The following TMEM236 variants were observed in gnomAD, a reference collection of about 807,000 sequenced individuals.
TMEM236 encodes the protein family with sequence similarity 23, member A.
A neutral mutation model predicts 14.7 loss-of-function variants in TMEM236; 11 were observed. The observed-to-expected ratio is 0.75, with a 90% CI of 0.47 to 1.24. The LOEUF (loss-of-function observed/expected upper bound fraction) is 1.24, where lower values mean the gene tolerates loss of function less well. Ranked by LOEUF, TMEM236 falls within the 50% of genes most tolerant of loss-of-function variation. TMEM236 has a pLI of 0.00. For missense variants in TMEM236, 464 were observed against 427.3 expected, an observed-to-expected ratio of 1.09 and a Z score of -0.76; for synonymous variants, 182 against 168.6, an observed-to-expected ratio of 1.08 and a Z score of -0.62.
chr10:17,776,906 A>G (rs1837666662), intron 3 of TMEM236, among the ~76,000 whole-genome samples: 1 of 152,206 alleles, frequency 6.6e-6, no homozygotes, highest in Admixed American at 6.5e-5. Flanking sequence ...TTAGTCGTAA[A>G]TTACTCCAGC....
intron 1 of TMEM236, among the ~76,000 whole-genome samples, chr10:17,766,890 G>C (rs1554834385): frequency 6.6e-6 from 1 of 151,822 alleles, no homozygotes; most frequent in Non-Finnish European, 1.5e-5. Context: ...TTCTTGGCTT[G>C]TAAATGCATC....
intron 3 of TMEM236, among the ~76,000 whole-genome samples, chr10:17,786,188 A>G (rs1397213382): frequency 6.6e-6 from 1 of 152,348 alleles, no homozygotes; most frequent in Admixed American, 6.5e-5. Flanking sequence ...ACTGATAGGA[A>G]TAAGGGAATA....
chr10:17,778,088 A>G (rs1837688478), intron 3 of TMEM236, among the ~76,000 whole-genome samples: 1 of 152,084 alleles, frequency 6.6e-6, no homozygotes, highest in African/African-American at 2.4e-5. Flanking sequence ...AACTTCAATA[A>G]TGACACTGAG....
chr10:17,775,942 A>G, intron 2 of TMEM236, 87 bp from the exon 3 acceptor site: 1 of 1,503,438 alleles, frequency 6.7e-7, no homozygotes, highest in Non-Finnish European at 9.2e-7. Context: ...ATTATAATTA[A>G]TTTAGTGCTG....
At chr10:17,757,655 G>T (rs1373955982) in intron 1 of TMEM236, among the ~76,000 whole-genome samples, 2 of 150,114 alleles carry the variant, frequency 1.3e-5, no homozygotes, top group East Asian at 1.9e-4. Flanking sequence ...GCCTAGGTCT[G>T]TCTGATTCCA....
chr10:17,762,816 G>A (rs1925555), intron 1 of TMEM236, among the ~76,000 whole-genome samples: 39,679 of 150,740 alleles, frequency 0.26, 5,586 homozygotes, highest in African/African-American at 0.37. Context: ...TATGACACCT[G>A]ACTAATTTTT....
intron 3 of TMEM236, among the ~76,000 whole-genome samples, chr10:17,777,615 G>A (rs1837679969): frequency 6.6e-6 from 1 of 151,944 alleles, no homozygotes. Context: ...GGTTTCTGAT[G>A]ACTCTGTATT....
chr10:17,797,667 C>T lies in TMEM236; in HGVS notation c.*1163C>T, dbSNP rs963037324. The T allele has an allele frequency of 2.0e-5, 3 of 152,090 alleles. No homozygotes were observed. The highest frequency in any genetic ancestry group is 7.2e-5 in the African/African-American group (3 of 41,422). The allele number at this position is 152,090 out of a possible 1,614,324, so 9.4% of individuals were successfully genotyped here. ...AAAGGTGGAATTATATTCTTTATTC[C>T]ATTGTGGCAAGGGACTTTTATTCAA... On this transcript the variant is annotated 3_prime_UTR_variant, in exon 4 of 4. Transcript: ENST00000377495.
intron 1 of TMEM236, among the ~76,000 whole-genome samples, chr10:17,766,614 C>T (rs2131745631): frequency 6.6e-6 from 1 of 152,328 alleles, no homozygotes; most frequent in Admixed American, 6.5e-5. Context: ...ACTCATTCCT[C>T]AACTCCAAAG....
At position 17,771,350 on chromosome 10, in the gene TMEM236, C is replaced by G; in HGVS notation, c.299C>G (p.Pro100Arg). The change falls in exon 2 of 4, where the codon CCC (proline) becomes CGC (arginine). Residue 100 changes from proline (P) to arginine (R), a missense_variant. Pro to Arg is a moderately radical substitution (Grantham distance 103, BLOSUM62 -2). Coordinates refer to ENST00000377495, the MANE Select transcript of TMEM236 (RefSeq NM_001098844.3). ...ATGTGTGTGGTCCTCACCACACTGC[C>G]CTGCCTCACCTTTTCCATAGCAGTG... ...LMMCVVLTTLPCLTFSIAVTE... is the reference protein window; with the variant it reads ...LMMCVVLTTLRCLTFSIAVTE... The G allele has an allele frequency of 6.2e-7, 1 of 1,613,898 alleles. No homozygotes were observed. The highest frequency in any genetic ancestry group is 8.5e-7 in the Non-Finnish European group (1 of 1,179,838).
chr10:17,757,336 G>C (rs1837298177), intron 1 of TMEM236, among the ~76,000 whole-genome samples: 1 of 152,154 alleles, frequency 6.6e-6, no homozygotes, highest in Non-Finnish European at 1.5e-5. Context: ...GGTAGCTCCT[G>C]CCTGTAATCC....
At chr10:17,773,019 G>A (rs890218416) in intron 2 of TMEM236, among the ~76,000 whole-genome samples, 3 of 152,138 alleles carry the variant, frequency 2.0e-5, no homozygotes, top group Non-Finnish European at 4.4e-5. Flanking sequence ...TTCGTTTTCA[G>A]CTGTAGAGTA....
At chr10:17,769,465 A>G (rs1837531227) in intron 1 of TMEM236, among the ~76,000 whole-genome samples, 1 of 152,226 alleles carries the variant, frequency 6.6e-6, no homozygotes, top group African/African-American at 2.4e-5. Flanking sequence ...TATTTGAAGC[A>G]ATGGGAACGG....
In TMEM236 at chr10:17,784,189, G is replaced by A. The variant is rs943295765; in HGVS notation, c.472+8019G>A. On this transcript the variant is annotated intron_variant, in intron 3 of 3. Transcript: ENST00000377495. ...AAAATTATTTACCAATTATTTTCCC[G>A]AAGCAGTTTACATTTAAATGTTTAA... is the stretch of plus-strand genomic sequence containing the variant. Among the ~76,000 whole-genome samples, 434 of 152,066 alleles carry A rather than the reference G, an allele frequency of 2.9e-3. 4 individuals are homozygous for A. Among genetic ancestry groups the A allele is most frequent in the South Asian group, 0.015 (74 of 4,820 alleles).
At chr10:17,776,713 T>A (rs1837663511) in intron 3 of TMEM236, among the ~76,000 whole-genome samples, 1 of 152,130 alleles carries the variant, frequency 6.6e-6, no homozygotes, top group African/African-American at 2.4e-5. Flanking sequence ...GATGGGAAGA[T>A]GGCATGAGCT....
intron 1 of TMEM236, among the ~76,000 whole-genome samples, chr10:17,756,458 A>T (rs1837285766): frequency 6.6e-6 from 1 of 151,936 alleles, no homozygotes; most frequent in Admixed American, 6.6e-5. Context: ...ACCACACCCG[A>T]CTAATTTTTG....
At chr10:17,769,200 G>T (rs960298807) in intron 1 of TMEM236, among the ~76,000 whole-genome samples, 4 of 152,200 alleles carry the variant, frequency 2.6e-5, no homozygotes, top group African/African-American at 9.7e-5. Context: ...TAGGAAATAC[G>T]GCAGATGAGA....
Position 17,796,219 on chromosome 10 carries a change from C to A in TMEM236, c.771C>A (p.His257Gln). ...DTIEMVRVAG[H>Q]PNVYKSSWLY... is the part of the protein sequence containing the mutation. ...TAGAAATGGTGCGTGTGGCTGGTCA[C>A]CCCAACGTGTACAAGTCAAGCTGGC... Residue 257 changes from histidine to glutamine, a missense_variant, in exon 4 of 4, where the codon CAC becomes CAA. His to Gln is a conservative substitution (Grantham distance 24). Transcript: ENST00000377495. The A allele has an allele frequency of 6.2e-7, 1 of 1,613,950 alleles. No individual in the cohort carries two copies. Among genetic ancestry groups the A allele is most frequent in the Non-Finnish European group, 8.5e-7 (1 of 1,179,860 alleles).
At chr10:17,782,492 G>C (rs1837768824) in intron 3 of TMEM236, among the ~76,000 whole-genome samples, 1 of 151,656 alleles carries the variant, frequency 6.6e-6, no homozygotes, top group African/African-American at 2.4e-5. Flanking sequence ...TCACTCTGTT[G>C]CTCAGGTTGG....
Sources: gnomAD v4.1 joint callset for allele counts (sites outside exome capture counted in the v4.1 genomes callset) on GRCh38, gnomAD v4.1.1 for gene constraint, MANE v1.5 for transcripts, NCBI Gene and HGNC (gene_info 2026-07-23, HGNC 2026-07-21) for gene names.